The following RTTN variants were observed in gnomAD, a reference collection of about 807,000 sequenced individuals.
RTTN encodes the protein rotatin.
A neutral mutation model predicts 269.2 loss-of-function variants in RTTN; 182 were observed. The observed-to-expected ratio is 0.68, with a 90% CI of 0.60 to 0.76. The LOEUF (loss-of-function observed/expected upper bound fraction) is 0.76. Ranked by LOEUF, RTTN falls within the 30% of genes least tolerant of loss-of-function variation. The probability of loss-of-function intolerance (pLI) is 0.00; values close to 1 mark genes in which losing one functional copy is unlikely to be tolerated. For missense variants in RTTN, 2,545 were observed against 2,608.6 expected, an observed-to-expected ratio of 0.98 and a Z score of 0.53; for synonymous variants, 1,006 against 963.5, an observed-to-expected ratio of 1.04 and a Z score of -0.82.
chr18:70,198,447 A>C (rs1449287204), intron 5 of RTTN, among the ~76,000 whole-genome samples: 1 of 152,196 alleles, frequency 6.6e-6, no homozygotes, highest in Non-Finnish European at 1.5e-5. Flanking sequence ...ATGTTGTTCC[A>C]AGAGAATTCA....
chr18:70,187,218 G>C (rs283244), intron 10 of RTTN, among the ~76,000 whole-genome samples: 12,419 of 152,140 alleles, frequency 0.082, 971 homozygotes, highest in African/African-American at 0.21. Context: ...CGTATAGATA[G>C]ATAGGGAATA....
intron 21 of RTTN, among the ~76,000 whole-genome samples, chr18:70,138,077 G>C (rs996829545): frequency 1.3e-5 from 2 of 152,072 alleles, no homozygotes; most frequent in Non-Finnish European, 2.9e-5. Flanking sequence ...TCAGGAGTTC[G>C]AGACCAGCCT....
intron 10 of RTTN, among the ~76,000 whole-genome samples, chr18:70,178,400 G>A (rs2145996614): frequency 6.6e-6 from 1 of 152,308 alleles, no homozygotes; most frequent in African/African-American, 2.4e-5. Flanking sequence ...ACCAGGAGCT[G>A]GGGATAGGCA....
chr18:70,183,635 T>G (rs1325740184), intron 10 of RTTN, among the ~76,000 whole-genome samples: 1 of 152,252 alleles, frequency 6.6e-6, no homozygotes, highest in African/African-American at 2.4e-5. Context: ...AAACATTCTT[T>G]GTTGTGGTGA....
chr18:70,016,271 T>C (rs1276550489), intron 46 of RTTN, among the ~76,000 whole-genome samples: 1 of 152,116 alleles, frequency 6.6e-6, no homozygotes, highest in African/African-American at 2.4e-5. Context: ...CACAGAAAAA[T>C]GCTTCTGAGA....
chr18:70,090,034 C>A lies in RTTN; in HGVS notation c.4144-1887G>T, dbSNP rs2058802032. The stretch of plus-strand genomic sequence containing the variant: ...CTGAATACCCATTTAAGAAAAAGAT[C>A]ACGGGTGCAATTCATGGACTTAATC... On this transcript the variant is annotated intron_variant, in intron 30 of 48. Transcript: ENST00000640769. Among the ~76,000 whole-genome samples, 6 of 152,274 alleles carry A rather than the reference C, an allele frequency of 3.9e-5. No homozygotes were observed. The South Asian group carries it at 1.2e-3, about 32-fold the overall frequency.
intron 30 of RTTN, 125 bp from the exon 31 acceptor site, chr18:70,088,272 TAA>T (rs1312572536): frequency 2.5e-6 from 2 of 811,136 alleles, no homozygotes; most frequent in African/African-American, 3.5e-5. Flanking sequence ...TCCTAAATTA[TAA>T]GAGACACCTA....
intron 34 of RTTN, among the ~76,000 whole-genome samples, chr18:70,068,716 G>C (rs1344706165): frequency 1.3e-5 from 2 of 152,184 alleles, no homozygotes; most frequent in Admixed American, 1.3e-4. Flanking sequence ...TCTTACAACA[G>C]CGAGAGTCTA....
At chr18:70,058,403 AGCT>A (rs1303730370) in intron 36 of RTTN, among the ~76,000 whole-genome samples, 5 of 152,152 alleles carry the variant, frequency 3.3e-5, no homozygotes, top group African/African-American at 1.2e-4. Flanking sequence ...CTGTAATCCC[AGCT>A]ACTCAGGAGG....
intron 32 of RTTN, among the ~76,000 whole-genome samples, chr18:70,075,894 A>C (rs1187635746): frequency 6.6e-6 from 1 of 152,112 alleles, no homozygotes; most frequent in African/African-American, 2.4e-5. Flanking sequence ...TAATAGTAAA[A>C]TAATAGGTGT....
chr18:70,112,483 C>CAAAAAAAAAAAAA (rs36147576), intron 27 of RTTN, among the ~76,000 whole-genome samples: 1 of 68,046 alleles, frequency 1.5e-5, no homozygotes, highest in Non-Finnish European at 2.6e-5. Flanking sequence ...AAATGGAAAG[C>CAAAAAAAAAAAAA]AAAAAAAAAA....
intron 40 of RTTN, among the ~76,000 whole-genome samples, chr18:70,042,331 A>T (rs903501574): frequency 4.6e-5 from 7 of 151,020 alleles, no homozygotes; most frequent in Non-Finnish European, 5.9e-5. Flanking sequence ...TTCCAGGAAG[A>T]GAAAAACCAG....
At chr18:70,035,369 A>T (rs2057140796) in intron 40 of RTTN, among the ~76,000 whole-genome samples, 1 of 152,182 alleles carries the variant, frequency 6.6e-6, no homozygotes, top group Non-Finnish European at 1.5e-5. Flanking sequence ...AAACACATAG[A>T]CCGATGGAAC....
Position 70,030,010 on chromosome 18 carries a change from A to AC in RTTN, c.5745+1dup. The AC allele has an allele frequency of 1.9e-6, 3 of 1,606,126 alleles. No homozygotes were observed. In the South Asian group the frequency reaches 3.3e-5, roughly 18 times the overall value. On this transcript the variant is annotated splice_donor_variant, in intron 42 of 48. Coordinates refer to ENST00000640769, the MANE Select transcript of RTTN (RefSeq NM_173630.4). LOFTEE classifies it high-confidence loss of function. ...AGCCATTCATTTATCCCAGAATGTT[A>AC]CCTTTTTTTTCAATGCTGCTTTCCC...
intron 34 of RTTN, among the ~76,000 whole-genome samples, chr18:70,070,093 A>G (rs776463710): frequency 3.3e-5 from 5 of 152,262 alleles, no homozygotes; most frequent in African/African-American, 4.8e-5. Context: ...GAAAGCTCAG[A>G]AAAGTCCTCT....
At chr18:70,012,319 G>T (rs891901601) in intron 46 of RTTN, among the ~76,000 whole-genome samples, 23 of 150,668 alleles carry the variant, frequency 1.5e-4, no homozygotes, top group Non-Finnish European at 3.1e-4. Flanking sequence ...CTGCTCACTG[G>T]TACTGGTTAG....
At position 70,036,945 on chromosome 18, in the gene RTTN, C is replaced by T. The variant is rs551549304; in HGVS notation, c.5542-5964G>A. Among the ~76,000 whole-genome samples the T allele has an allele frequency of 7.2e-5, 11 of 152,342 alleles. No homozygotes were observed. In the East Asian group the frequency reaches 2.1e-3, roughly 29 times the overall value. Reference sequence around the variant, plus strand: ...CTCCCCTATCTATCAGCAGCAGCTGCCTGGTATGGCGAGCTAACTTGCACA... The same window carrying T: ...CTCCCCTATCTATCAGCAGCAGCTGTCTGGTATGGCGAGCTAACTTGCACA... On this transcript the variant is annotated intron_variant, in intron 40 of 48. Transcript: ENST00000640769.
chr18:70,078,004 T>C (rs1320114900), intron 32 of RTTN, among the ~76,000 whole-genome samples: 2 of 151,614 alleles, frequency 1.3e-5, no homozygotes, highest in Admixed American at 1.3e-4. Flanking sequence ...AAATTCATCT[T>C]AAAAGAAATA....
At position 70,139,722 on chromosome 18, in the gene RTTN, C is replaced by T. The variant is rs2060210325; in HGVS notation, c.2671-6G>A. On this transcript the variant is annotated splice_region_variant and splice_polypyrimidine_tract_variant and intron_variant, in intron 20 of 48. Transcript: ENST00000640769. ...TGTACCAAACATTCTACAACCTGGG[C>T]CAGGAGGAAAAACACAGCTTTTCAT... 1.3e-6 allele frequency: 2 copies of T among 1,563,180 alleles called. No individual in the cohort carries two copies. Among genetic ancestry groups the T allele is most frequent in the Non-Finnish European group, 1.8e-6 (2 of 1,136,194 alleles).
Sources: gnomAD v4.1 joint callset for allele counts (sites outside exome capture counted in the v4.1 genomes callset) on GRCh38, gnomAD v4.1.1 for gene constraint, MANE v1.5 for transcripts, NCBI Gene and HGNC (gene_info 2026-07-23, HGNC 2026-07-21) for gene names.